Variants in IFNA6 observed in about 807,000 individuals in gnomAD.
IFNA6 encodes interferon alpha 6, also known as interferon alpha-6.
For synonymous variants in IFNA6, 96 were observed against 79.2 expected (o/e 1.21, Z -1.13); for missense variants, 235 against 212.4 (o/e 1.11, Z -0.66).
exon 1 of IFNA6, chr9:21,350,670 T>G (rs750461778): frequency 6.2e-7 from 1 of 1,613,942 alleles, no homozygotes; most frequent in African/African-American, 1.3e-5. Context: ...GGCTTCAGCC[T>G]TCTGGAACTG....
rs1248787792 is a variant in IFNA6, at chr9:21,350,834, T to A, written c.54A>T (p.Ser18=). The change falls in exon 1 of 1, where the codon TCA becomes TCT. Residue 18 remains serine (S), a synonymous_variant. Coordinates refer to ENST00000380210, the Ensembl canonical transcript of IFNA6. ...GCAGATCACAGTCCAGAGAGCAGCTTGACTTGCAGCTGAGCACCACCAGGG... is the reference window on the plus strand; with the variant it reads ...GCAGATCACAGTCCAGAGAGCAGCTAGACTTGCAGCTGAGCACCACCAGGG... 3 of 1,613,904 alleles carry A rather than the reference T, an allele frequency of 1.9e-6. No homozygotes were observed. In the East Asian group the frequency reaches 6.7e-5, roughly 36 times the overall value.
chr9:21,350,837 C>G, exon 1 of IFNA6: 2 of 1,613,950 alleles, frequency 1.2e-6, no homozygotes, highest in Non-Finnish European at 1.7e-6. Context: ...AGCAGCTTGA[C>G]TTGCAGCTGA....
chr9:21,350,822 C>G (rs761125708), exon 1 of IFNA6: 6 of 1,613,922 alleles, frequency 3.7e-6, no homozygotes, highest in Non-Finnish European at 4.2e-6. Context: ...GATCACAGTC[C>G]AGAGAGCAGC....
At chr9:21,350,324 C>T (rs892792740) in exon 1 of IFNA6, 1 of 1,603,040 alleles carries the variant, frequency 6.2e-7, no homozygotes, top group African/African-American at 1.3e-5. Flanking sequence ...GGTCTTATTC[C>T]TTCCTCCTTA....
chr9:21,350,572 C>G, exon 1 of IFNA6: 2 of 1,613,988 alleles, frequency 1.2e-6, no homozygotes, highest in South Asian at 2.2e-5. Context: ...TAGAGTTTGT[C>G]TAGAAGCCTC....
chr9:21,350,878 G>A (rs1446037315), exon 1 of IFNA6: 1 of 1,613,568 alleles, frequency 6.2e-7, no homozygotes. Context: ...AAAGCAAAAG[G>A]CAAAGCCATT....
At chr9:21,350,473 A>G in exon 1 of IFNA6, 1 of 1,614,046 alleles carries the variant, frequency 6.2e-7, no homozygotes, top group Non-Finnish European at 8.5e-7. Flanking sequence ...GCCAGGATGG[A>G]GTCCTCATTC....
At chr9:21,350,565 A>G (rs1820438329) in exon 1 of IFNA6, 1 of 1,613,782 alleles carries the variant, frequency 6.2e-7, no homozygotes, top group Non-Finnish European at 8.5e-7. Flanking sequence ...TTCAGTATAG[A>G]GTTTGTCTAG....
exon 1 of IFNA6, chr9:21,350,544 T>C: frequency 6.2e-7 from 1 of 1,614,012 alleles, no homozygotes; most frequent in Non-Finnish European, 8.5e-7. Flanking sequence ...GTCATTCAGC[T>C]GCTGGTAAAG....
exon 1 of IFNA6, chr9:21,350,743 G>A (rs759736076): frequency 6.2e-7 from 1 of 1,614,018 alleles, no homozygotes; most frequent in East Asian, 2.2e-5. Flanking sequence ...CAGGAGAAAA[G>A]AGAGATTCTC....
At chr9:21,350,839 T>A in the IFNA6 span, 1 of 1,613,766 alleles carries the variant, frequency 6.2e-7, no homozygotes, top group Non-Finnish European at 8.5e-7. Context: ...CAGCTTGACT[T>A]GCAGCTGAGC....
At chr9:21,350,741 AAG>A in the IFNA6 span, 2 of 1,614,008 alleles carry the variant, frequency 1.2e-6, no homozygotes, top group Non-Finnish European at 1.7e-6. Context: ...GACAGGAGAA[AAG>A]AGAGATTCTC....
At chr9:21,350,569 T>C in exon 1 of IFNA6, 1 of 1,613,988 alleles carries the variant, frequency 6.2e-7, no homozygotes, top group South Asian at 1.1e-5. Flanking sequence ...GTATAGAGTT[T>C]GTCTAGAAGC....
exon 1 of IFNA6, chr9:21,350,782 T>A: frequency 6.2e-7 from 1 of 1,613,962 alleles, no homozygotes; most frequent in South Asian, 1.1e-5. Context: ...ATCATGGTCC[T>A]CCTGTGACCC....
At chr9:21,350,766 A>G in exon 1 of IFNA6, 1 of 1,614,012 alleles carries the variant, frequency 6.2e-7, no homozygotes, top group Non-Finnish European at 8.5e-7. Context: ...CATTTGTGCC[A>G]GGAGCATCAT....
chr9:21,350,725 C>G, exon 1 of IFNA6: 1 of 1,614,030 alleles, frequency 6.2e-7, no homozygotes, highest in Non-Finnish European at 8.5e-7. Flanking sequence ...TCATGTCTGT[C>G]CTTCAGACAG....
chr9:21,350,323 C>T (rs762454870), exon 1 of IFNA6: 2 of 1,405,714 alleles, frequency 1.4e-6, no homozygotes, highest in South Asian at 1.1e-5. Context: ...AGGTCTTATT[C>T]CTTCCTCCTT....
chr9:21,350,839 T>C, exon 1 of IFNA6: 1 of 1,613,884 alleles, frequency 6.2e-7, no homozygotes, highest in African/African-American at 1.3e-5. Context: ...CAGCTTGACT[T>C]GCAGCTGAGC....
At chr9:21,350,786 G>A (rs769565797) in exon 1 of IFNA6, 7 of 1,613,824 alleles carry the variant, frequency 4.3e-6, no homozygotes, top group African/African-American at 2.7e-5. Context: ...TGGTCCTCCT[G>A]TGACCCAGGC....
Sources: gnomAD v4.1 joint callset for allele counts on GRCh38, gnomAD v4.1.1 for gene constraint, MANE v1.5 for transcripts, NCBI Gene and HGNC (gene_info 2026-07-23, HGNC 2026-07-21) for gene names.